FXYD6: variants seen among roughly 807,000 people sequenced by gnomAD.
FXYD6 encodes the protein FXYD domain containing ion transport regulator 6.
A neutral mutation model predicts 16.7 loss-of-function variants in FXYD6; 7 were observed. The observed-to-expected ratio is 0.42, with a 90% confidence interval of 0.24 to 0.79. The LOEUF (loss-of-function observed/expected upper bound fraction) is 0.79, where lower values mean the gene tolerates loss of function less well. Ranked by LOEUF, FXYD6 falls within the 30% of genes least tolerant of loss-of-function variation. FXYD6 has a pLI of 0.28. For missense variants in FXYD6, 111 were observed against 116.2 expected (o/e 0.95, Z 0.21); for synonymous variants, 49 against 43.0 (o/e 1.14, Z -0.54).
chr11:117,864,679 G>C (rs1013480544), intron 1 of FXYD6, among the ~76,000 whole-genome samples: 1 of 151,950 alleles, frequency 6.6e-6, no homozygotes, highest in South Asian at 2.1e-4. Context: ...CTCCACCTCC[G>C]GGGTTCAAGC....
intron 1 of FXYD6, among the ~76,000 whole-genome samples, chr11:117,858,703 C>CTTTCTTTCTTTCTT (rs72107481): frequency 6.6e-4 from 63 of 95,456 alleles, no homozygotes; most frequent in Middle Eastern, 4.7e-3. Context: ...TTCTTTCTTT[C>CTTTCTTTCTTTCTT]TCTCTCTCTC....
intron 1 of FXYD6, among the ~76,000 whole-genome samples, chr11:117,843,393 C>T (rs995308483): frequency 6.6e-6 from 1 of 152,192 alleles, no homozygotes; most frequent in Admixed American, 6.5e-5. Context: ...GATCCTAACC[C>T]AGCATGGTAA....
intron 3 of FXYD6, 43 bp from the exon 4 acceptor site, chr11:117,841,908 A>T (rs2056354928): frequency 4.3e-6 from 7 of 1,613,890 alleles, no homozygotes; most frequent in Non-Finnish European, 5.9e-6. Flanking sequence ...GGCCAGGGAG[A>T]GGGTGTCTGT....
chr11:117,858,596 T>C (rs1291237662), intron 1 of FXYD6, among the ~76,000 whole-genome samples: 2 of 152,226 alleles, frequency 1.3e-5, no homozygotes, highest in African/African-American at 2.4e-5. Context: ...CCTCTGTTTT[T>C]GTAAAACGGA....
chr11:117,841,914 T>C (rs886220005), intron 3 of FXYD6, 49 bp from the exon 4 acceptor site: 19 of 1,613,792 alleles, frequency 1.2e-5, no homozygotes, highest in Non-Finnish European at 1.6e-5. Flanking sequence ...GGAGAGGGTG[T>C]CTGTTCCCCC....
At position 117,876,645 on chromosome 11, in the gene FXYD6, A is replaced by G. The variant is rs942453748; in HGVS notation, c.-59T>C. ...CAGGAGGACCCGCCGAGTCCCGAGG[A>G]GCCTGGGAGTGGCGGGGCTGGGGGC... is the stretch of plus-strand genomic sequence containing the variant. On this transcript the variant is annotated 5_prime_UTR_variant, in exon 1 of 8. Transcript: ENST00000526014. The G allele has an allele frequency of 2.6e-5, 4 of 151,532 alleles. No homozygotes were observed. The highest frequency in any genetic ancestry group is 2.1e-4 in the South Asian group (1 of 4,790). The allele number at this position is 151,532 out of a possible 1,614,324, so 9.4% of individuals were successfully genotyped here. A position where few individuals can be genotyped will look rare whatever the true frequency, so the allele number is the denominator to read the frequency against.
intron 1 of FXYD6, 135 bp downstream of exon 1, chr11:117,876,457 T>G (rs923082095): frequency 2.6e-5 from 4 of 152,614 alleles, no homozygotes; most frequent in African/African-American, 9.6e-5. Context: ...GCGGCGCAGC[T>G]GACCGCGGAG....
At chr11:117,863,694 G>A (rs781055622) in intron 1 of FXYD6, among the ~76,000 whole-genome samples, 2 of 152,126 alleles carry the variant, frequency 1.3e-5, no homozygotes, top group Non-Finnish European at 2.9e-5. Context: ...TTCACAGATG[G>A]TATCATCTTA....
At chr11:117,847,073 T>G (rs2056487691) in intron 1 of FXYD6, among the ~76,000 whole-genome samples, 1 of 152,246 alleles carries the variant, frequency 6.6e-6, no homozygotes, top group Non-Finnish European at 1.5e-5. Flanking sequence ...TTCATACAGG[T>G]GTTGCACATG....
intron 1 of FXYD6, among the ~76,000 whole-genome samples, chr11:117,865,090 T>C (rs2056986914): frequency 6.6e-6 from 1 of 152,112 alleles, no homozygotes; most frequent in South Asian, 2.1e-4. Flanking sequence ...GATATACAAA[T>C]GGCCAATAAG....
At chr11:117,852,084 C>T (rs923296784) in intron 1 of FXYD6, among the ~76,000 whole-genome samples, 13 of 152,244 alleles carry the variant, frequency 8.5e-5, no homozygotes, top group African/African-American at 2.9e-4. Context: ...ACAGCTGCCC[C>T]TGGCCAGAAG....
intron 7 of FXYD6, chr11:117,839,377 G>T: frequency 4.7e-6 from 1 of 213,512 alleles, no homozygotes; most frequent in Non-Finnish European, 9.4e-6. Flanking sequence ...GGGTTGGGAA[G>T]TTTCATAATA....
chr11:117,862,015 AC>A (rs1271789798), intron 1 of FXYD6, among the ~76,000 whole-genome samples: 1 of 152,254 alleles, frequency 6.6e-6, no homozygotes, highest in Non-Finnish European at 1.5e-5. Flanking sequence ...CACGAGAGAC[AC>A]AGAAGCAAGA....
chr11:117,861,435 T>G (rs143036171), intron 1 of FXYD6, among the ~76,000 whole-genome samples: 156 of 152,288 alleles, frequency 1.0e-3, no homozygotes, highest in South Asian at 1.2e-3. Context: ...GGCTCCTGTG[T>G]TCCCACACCA....
At chr11:117,876,046 C>T (rs1039979670) in intron 1 of FXYD6, among the ~76,000 whole-genome samples, 1 of 152,168 alleles carries the variant, frequency 6.6e-6, no homozygotes, top group Admixed American at 6.5e-5. Context: ...CATGAATCCC[C>T]GAGCGCTAGA....
intron 1 of FXYD6, among the ~76,000 whole-genome samples, chr11:117,848,534 C>A (rs1345271539): frequency 6.6e-6 from 1 of 151,974 alleles, no homozygotes; most frequent in Non-Finnish European, 1.5e-5. Flanking sequence ...TTGGGGATGG[C>A]AGTACTGGCC....
chr11:117,872,937 C>G lies in FXYD6; in HGVS notation c.-6+3655G>C, dbSNP rs1357544896. ...CCTCTCGTTGCAACTCTCCAGCTGG[C>G]CAGGGGTTCTCCCTGCAGAAGATTT... On this transcript the variant is annotated intron_variant, in intron 1 of 7. Coordinates refer to ENST00000526014, the MANE Select transcript of FXYD6 (RefSeq NM_022003.4). This position sits in a 1 kb window ranked among gnomAD's most constrained non-coding sequence, Gnocchi z 4.9. 6.6e-6 allele frequency among the ~76,000 whole-genome samples: 1 copy of G among 152,160 alleles called. No homozygotes were observed. The highest frequency in any genetic ancestry group is 1.9e-4 in the East Asian group (1 of 5,188).
rs181901339 is a variant in FXYD6 at position 117,870,064 on chromosome 11, G to A, written c.-6+6528C>T. On this transcript the variant is annotated intron_variant, in intron 1 of 7. Coordinates refer to ENST00000526014, the MANE Select transcript of FXYD6 (RefSeq NM_022003.4). This position sits in a 1 kb window ranked among gnomAD's most constrained non-coding sequence, Gnocchi z 4.2. ...TGTCACCTCACCATCACTGACAACC[G>A]TGACACTGTGGCATCCCAGCCATCA... is the stretch of plus-strand genomic sequence containing the variant. Among the ~76,000 whole-genome samples, 9 of 152,336 alleles carry A rather than the reference G, an allele frequency of 5.9e-5. No homozygotes were observed. Among genetic ancestry groups the A allele is most frequent in the East Asian group, 5.8e-4 (3 of 5,186 alleles).
chr11:117,848,618 G>C (rs777960851), intron 1 of FXYD6, among the ~76,000 whole-genome samples: 8 of 152,176 alleles, frequency 5.3e-5, no homozygotes, highest in African/African-American at 7.2e-5. Flanking sequence ...TCTGTTCTTT[G>C]AGTGTTTGGT....
Sources: gnomAD v4.1 joint callset for allele counts (sites outside exome capture counted in the v4.1 genomes callset) on GRCh38, gnomAD v4.1.1 for gene constraint, Gnocchi (gnomAD v3.1) non-coding constraint, MANE v1.5 for transcripts, NCBI Gene and HGNC (gene_info 2026-07-23, HGNC 2026-07-21) for gene names.